LHFPL3: variants seen among roughly 807,000 people sequenced by gnomAD.
LHFPL3 encodes the protein LHFPL tetraspan subfamily member 3, also known as LHFPL tetraspan subfamily member 3 protein.
A neutral mutation model predicts 19.3 loss-of-function variants in LHFPL3; 5 were observed. The ratio of observed to expected loss-of-function variants is 0.26; its 90% CI spans 0.14 to 0.54. The LOEUF is 0.54. LHFPL3 is among the 20% of genes least tolerant of loss of function. LHFPL3 has a pLI of 0.94. For synonymous variants in LHFPL3, 133 were observed against 126.2 expected (o/e 1.05, Z -0.36); for missense variants, 249 against 307.4 (o/e 0.81, Z 1.42).
At chr7:104,834,089 C>T (rs1387829280) in intron 2 of LHFPL3, among the ~76,000 whole-genome samples, 4 of 150,682 alleles carry the variant, frequency 2.7e-5, no homozygotes, top group Non-Finnish European at 5.9e-5. Context: ...CACCTTTTCA[C>T]GTTTTTCTGC....
intron 1 of LHFPL3, among the ~76,000 whole-genome samples, chr7:104,519,927 C>T (rs1245950798): frequency 2.6e-5 from 4 of 151,958 alleles, no homozygotes; most frequent in Non-Finnish European, 4.4e-5. Flanking sequence ...GCCTATTTCT[C>T]GGGACTTCTG....
chr7:104,686,654 C>T (rs939278333), intron 1 of LHFPL3, among the ~76,000 whole-genome samples: 1 of 152,184 alleles, frequency 6.6e-6, no homozygotes, highest in Non-Finnish European at 1.5e-5. Flanking sequence ...TCTCACAAGA[C>T]TGCCCCCCAT....
chr7:104,889,880 C>G (rs1198562162), intron 2 of LHFPL3, among the ~76,000 whole-genome samples: 1 of 152,230 alleles, frequency 6.6e-6, no homozygotes, highest in Admixed American at 6.5e-5. Flanking sequence ...CTGCTACACT[C>G]TGCCTGCTAT....
At chr7:104,437,936 A>T (rs539177726) in intron 1 of LHFPL3, among the ~76,000 whole-genome samples, 3 of 152,314 alleles carry the variant, frequency 2.0e-5, no homozygotes, top group South Asian at 4.1e-4. Context: ...GGATGGAGCT[A>T]AAAGTTCTAA....
intron 1 of LHFPL3, among the ~76,000 whole-genome samples, chr7:104,610,689 A>G (rs1296667906): frequency 2.0e-5 from 3 of 152,212 alleles, no homozygotes; most frequent in Non-Finnish European, 2.9e-5. Flanking sequence ...CAGATCTTCA[A>G]TAGATTTGGT....
chr7:104,771,466 C>T (rs1182704781), intron 2 of LHFPL3, among the ~76,000 whole-genome samples: 3 of 151,974 alleles, frequency 2.0e-5, no homozygotes, highest in African/African-American at 7.2e-5. Flanking sequence ...GAAAATGCTG[C>T]CATTTGATAC....
intron 1 of LHFPL3, among the ~76,000 whole-genome samples, chr7:104,479,082 C>A (rs75949750): frequency 1.3e-5 from 2 of 152,216 alleles, no homozygotes; most frequent in African/African-American, 4.8e-5. Flanking sequence ...GCTGGGGTGG[C>A]TGTTATCTCT....
chr7:104,723,932 A>G (rs1279977427), intron 1 of LHFPL3, among the ~76,000 whole-genome samples: 1 of 152,170 alleles, frequency 6.6e-6, no homozygotes, highest in Non-Finnish European at 1.5e-5. Flanking sequence ...TGTCCAAATT[A>G]ATCTAATGTC....
intron 1 of LHFPL3, among the ~76,000 whole-genome samples, chr7:104,672,996 G>GC (rs1343082484): frequency 2.6e-5 from 4 of 151,618 alleles, no homozygotes; most frequent in East Asian, 3.9e-4. Context: ...ATGAAATAAT[G>GC]CCCCCCCTTT....
chr7:104,891,449 C>T (rs1792244795), intron 2 of LHFPL3, among the ~76,000 whole-genome samples: 1 of 152,162 alleles, frequency 6.6e-6, no homozygotes. Flanking sequence ...TTTATTGGGA[C>T]CCCACTCCCA....
At chr7:104,874,992 G>A (rs1355852472) in intron 2 of LHFPL3, among the ~76,000 whole-genome samples, 1 of 151,132 alleles carries the variant, frequency 6.6e-6, no homozygotes, top group Admixed American at 6.6e-5. Flanking sequence ...GACTACAGGT[G>A]TACACTGCCA....
At chr7:104,462,440 G>A (rs1350662483) in intron 1 of LHFPL3, among the ~76,000 whole-genome samples, 1 of 152,168 alleles carries the variant, frequency 6.6e-6, no homozygotes, top group Admixed American at 6.5e-5. Flanking sequence ...ACATGAAGAT[G>A]TGTTGAATTT....
intron 1 of LHFPL3, among the ~76,000 whole-genome samples, chr7:104,542,583 A>G (rs2115879839): frequency 6.6e-6 from 1 of 151,932 alleles, no homozygotes; most frequent in African/African-American, 2.4e-5. Context: ...TGGCCAAGAG[A>G]CCATGAATAG....
At chr7:104,442,243 TC>T (rs1397748080) in intron 1 of LHFPL3, among the ~76,000 whole-genome samples, 1 of 48,636 alleles carries the variant, frequency 2.1e-5, no homozygotes, top group East Asian at 4.0e-4. Flanking sequence ...TAAAATCTGG[TC>T]TTTTTTTTTT....
chr7:104,801,260 T>C (rs528316714), intron 2 of LHFPL3, among the ~76,000 whole-genome samples: 9 of 152,082 alleles, frequency 5.9e-5, no homozygotes, highest in Admixed American at 5.2e-4. Flanking sequence ...ACAGGGACAC[T>C]AGCACAAAGC....
intron 1 of LHFPL3, among the ~76,000 whole-genome samples, chr7:104,519,488 G>A (rs1460883427): frequency 1.3e-5 from 2 of 152,136 alleles, no homozygotes; most frequent in Admixed American, 6.6e-5. Context: ...TTTGATAGAT[G>A]TACATCCACA....
At chr7:104,640,281 A>C (rs561924071) in intron 1 of LHFPL3, among the ~76,000 whole-genome samples, 1 of 151,606 alleles carries the variant, frequency 6.6e-6, no homozygotes, top group South Asian at 2.1e-4. Context: ...CTTTCTCCCA[A>C]CCCTCCAACA....
chr7:104,776,050 G>T (rs7809065), intron 2 of LHFPL3, among the ~76,000 whole-genome samples: 1 of 151,980 alleles, frequency 6.6e-6, no homozygotes, highest in Non-Finnish European at 1.5e-5. Context: ...CATGTAAACT[G>T]GTTGGTACCA....
rs1467339806 is a variant in LHFPL3 at position 104,554,633 on chromosome 7, A to AGATG, written c.446-182039_446-182038insGGAT. On this transcript the variant is annotated intron_variant, in intron 1 of 2. Coordinates refer to ENST00000424859, the MANE Select transcript of LHFPL3 (RefSeq NM_199000.3). ...AGAGGCAGAACTAATAGGATAGATT[A>AGATG]GATAGACAGATAGATAGATAGATAG... is the stretch of plus-strand genomic sequence containing the variant. Among the ~76,000 whole-genome samples, 7 of 131,772 alleles carry AGATG rather than the reference A, an allele frequency of 5.3e-5. No individual in the cohort carries two copies. The East Asian group carries it at 6.7e-4, about 13-fold the overall frequency. The allele number at this position is 131,772 out of a possible 152,430, so 86.4% of individuals were successfully genotyped here. A position where few individuals can be genotyped will look rare whatever the true frequency, so the allele number is the denominator to read the frequency against.
Sources: allele counts gnomAD v4.1 joint callset (sites outside exome capture counted in the v4.1 genomes callset), GRCh38; gene constraint gnomAD v4.1.1; transcripts MANE v1.5; gene names NCBI Gene and HGNC (gene_info 2026-07-23, HGNC 2026-07-21).